The following NDRG3 variants were observed in gnomAD, a reference collection of about 807,000 sequenced individuals.
NDRG3 encodes the protein protein NDRG3.
In NDRG3, 23 loss-of-function variants were observed where a neutral mutation model predicts 57.2. The observed-to-expected ratio is 0.40, with a 90% CI of 0.29 to 0.57. The LOEUF (loss-of-function observed/expected upper bound fraction) is 0.57. Ranked by LOEUF, NDRG3 falls within the 20% of genes least tolerant of loss-of-function variation. The pLI is 0.42. For missense variants in NDRG3, 384 were observed against 457.3 expected (o/e 0.84, Z 1.46); for synonymous variants, 132 against 162.6 (o/e 0.81, Z 1.43).
At chr20:36,670,810 A>G (rs907743337) in intron 9 of NDRG3, among the ~76,000 whole-genome samples, 2 of 152,060 alleles carry the variant, frequency 1.3e-5, no homozygotes, top group Non-Finnish European at 2.9e-5. Context: ...TCAGTCACCC[A>G]ACTCACTTTT....
intron 3 of NDRG3, among the ~76,000 whole-genome samples, chr20:36,695,615 C>A (rs1467910157): frequency 2.6e-5 from 4 of 152,156 alleles, no homozygotes; most frequent in South Asian, 2.1e-4. Flanking sequence ...CCTGCAGCGC[C>A]CCCAGGCTTG....
chr20:36,731,785 G>A (rs1483009725), intron 1 of NDRG3, among the ~76,000 whole-genome samples: 2 of 151,538 alleles, frequency 1.3e-5, no homozygotes, highest in African/African-American at 4.8e-5. Context: ...GCTCCAGCCT[G>A]GGCGACAGAG....
intron 8 of NDRG3, among the ~76,000 whole-genome samples, chr20:36,678,581 T>A (rs1980963573): frequency 6.6e-6 from 1 of 152,164 alleles, no homozygotes; most frequent in Admixed American, 6.5e-5. Flanking sequence ...CTCGGGAGGC[T>A]GAGGCTGAGA....
intron 1 of NDRG3, among the ~76,000 whole-genome samples, chr20:36,740,347 A>C (rs1985866274): frequency 6.6e-6 from 1 of 152,144 alleles, no homozygotes; most frequent in Non-Finnish European, 1.5e-5. Flanking sequence ...CATCAACAAC[A>C]ATTTTTTTTT....
chr20:36,688,687 C>G lies in NDRG3; in HGVS notation c.191G>C (p.Gly64Ala), dbSNP rs1390514605. The G allele has an allele frequency of 6.2e-7, 1 of 1,610,014 alleles. No homozygotes were observed. Among genetic ancestry groups the G allele is most frequent in the Admixed American group, 1.7e-5 (1 of 59,988 alleles). ...RPVILTYHDI[G>A]LNHKSCFNAF... The stretch of plus-strand genomic sequence containing the variant: ...TAAAATAAAATACATACGGTTGAGG[C>G]CAATGTCATGATATGTTAGTATAAC... The change falls in exon 4 of 16, where the codon GGC (glycine) becomes GCC (alanine). Residue 64 changes from glycine (G) to alanine (A), a missense_variant. Gly to Ala is a moderately conservative substitution (Grantham distance 60). Transcript: ENST00000349004.
At chr20:36,679,099 T>C (rs1009781377) in intron 8 of NDRG3, among the ~76,000 whole-genome samples, 4 of 152,096 alleles carry the variant, frequency 2.6e-5, no homozygotes, top group African/African-American at 4.8e-5. Context: ...TACAGATGTG[T>C]ACCATCATGC....
intron 2 of NDRG3, among the ~76,000 whole-genome samples, chr20:36,715,296 G>A (rs991486898): frequency 5.3e-5 from 8 of 150,868 alleles, no homozygotes; most frequent in Non-Finnish European, 7.4e-5. Flanking sequence ...GGTCTGTAAC[G>A]GTGGCATCAC....
chr20:36,724,980 G>A (rs1984833611), intron 1 of NDRG3, among the ~76,000 whole-genome samples: 1 of 151,418 alleles, frequency 6.6e-6, no homozygotes, highest in African/African-American at 2.4e-5. Context: ...TTTTATAAAA[G>A]CAATATGTGC....
At chr20:36,665,159 A>T in intron 11 of NDRG3, 62 bp from the exon 12 acceptor site, 7 of 1,608,964 alleles carry the variant, frequency 4.4e-6, no homozygotes, top group Non-Finnish European at 6.0e-6. Flanking sequence ...ACTGAACACC[A>T]AATTAGTCTA....
chr20:36,702,461 T>C (rs1009180693), intron 3 of NDRG3, among the ~76,000 whole-genome samples: 1 of 152,070 alleles, frequency 6.6e-6, no homozygotes, highest in African/African-American at 2.4e-5. Flanking sequence ...GTATGAACTG[T>C]TATTGTTTCC....
chr20:36,662,366 T>C (rs539087095), intron 12 of NDRG3, among the ~76,000 whole-genome samples: 3 of 151,978 alleles, frequency 2.0e-5, no homozygotes, highest in South Asian at 2.1e-4. Flanking sequence ...TACAGGTGCA[T>C]GCCATCACAC....
Position 36,721,708 on chromosome 20 carries a change from T to C in NDRG3, c.28A>G (p.Thr10Ala), listed in dbSNP as rs749047325. 1.2e-6 allele frequency: 2 copies of C among 1,611,632 alleles called. No individual in the cohort carries two copies. Among genetic ancestry groups the C allele is most frequent in the Non-Finnish European group, 1.7e-6 (2 of 1,178,134 alleles). The stretch of plus-strand genomic sequence containing the variant: ...TCATTTAGAAGTGGTTTGATCTCTG[T>C]GAGCTGAACATCCTGAAGTTCATCC... Reference protein sequence around the residue: MDELQDVQLTEIKPLLNDKN... With the variant: MDELQDVQLAEIKPLLNDKN... Residue 10 changes from threonine (T) to alanine (A), a missense_variant, in exon 2 of 16, where the codon ACA becomes GCA. Thr to Ala is a moderately conservative substitution (Grantham distance 58). Transcript: ENST00000349004.
Position 36,656,505 on chromosome 20 carries a change from C to T in NDRG3, c.886G>A (p.Val296Ile). The T allele has an allele frequency of 1.2e-6, 2 of 1,614,112 alleles. No homozygotes were observed. The highest frequency in any genetic ancestry group is 1.7e-6 in the Non-Finnish European group (2 of 1,179,986). ...KMADCGGLPQ[V>I]VQPGKLTEAF... ...AAAAAAATTCTCCTTACCTGAACTA[C>T]CTGGGGCAGTCCCCCACAGTCCGCC... The change falls in exon 14 of 16, where the codon GTA (valine) becomes ATA (isoleucine). Residue 296 changes from valine (V) to isoleucine (I), a missense_variant. Val to Ile is a conservative substitution (Grantham distance 29). Transcript: ENST00000349004.
chr20:36,652,435 A>G lies in NDRG3; in HGVS notation c.*1085T>C, dbSNP rs1257091379. 2 of 152,068 alleles carry G rather than the reference A, an allele frequency of 1.3e-5. No homozygotes were observed. Among genetic ancestry groups the G allele is most frequent in the African/African-American group, 4.8e-5 (2 of 41,396 alleles). 9.4% of individuals were successfully genotyped at this position (152,068 alleles called of 1,614,324 possible). A position where few individuals can be genotyped will look rare whatever the true frequency, so the allele number is the denominator to read the frequency against. On this transcript the variant is annotated 3_prime_UTR_variant, in exon 16 of 16. Transcript: ENST00000349004. ...CAAAAAAAAAAAAAGACTCTGAGAA[A>G]TGGGTTCTGTATCAATTTAATTTGG...
intron 1 of NDRG3, among the ~76,000 whole-genome samples, chr20:36,740,858 T>C (rs1048376555): frequency 6.6e-6 from 1 of 152,176 alleles, no homozygotes; most frequent in Admixed American, 6.5e-5. Context: ...ATATTATACA[T>C]TAGTTTTATA....
intron 12 of NDRG3, among the ~76,000 whole-genome samples, chr20:36,661,194 C>A (rs573207007): frequency 2.6e-5 from 4 of 152,210 alleles, no homozygotes; most frequent in African/African-American, 7.2e-5. Flanking sequence ...ATCTCAAGGT[C>A]TTTGGCTATC....
intron 2 of NDRG3, among the ~76,000 whole-genome samples, chr20:36,715,459 A>G (rs1174787882): frequency 6.6e-6 from 1 of 151,714 alleles, no homozygotes; most frequent in Non-Finnish European, 1.5e-5. Context: ...AAATGTCAAT[A>G]AATCTATTTT....
chr20:36,745,261 A>C (rs954851355), intron 1 of NDRG3, among the ~76,000 whole-genome samples: 20 of 152,174 alleles, frequency 1.3e-4, no homozygotes, highest in African/African-American at 4.6e-4. Flanking sequence ...CTCTTATATT[A>C]ATAACACTAT....
intron 3 of NDRG3, among the ~76,000 whole-genome samples, chr20:36,696,429 C>T (rs928479444): frequency 6.6e-6 from 1 of 151,882 alleles, no homozygotes; most frequent in African/African-American, 2.4e-5. Flanking sequence ...AATCTGCTTG[C>T]CTTGGCCTCC....
Sources: gnomAD v4.1 joint callset for allele counts (sites outside exome capture counted in the v4.1 genomes callset) on GRCh38, gnomAD v4.1.1 for gene constraint, MANE v1.5 for transcripts, NCBI Gene and HGNC (gene_info 2026-07-23, HGNC 2026-07-21) for gene names.